Variants in TDRD7 observed in about 807,000 individuals in gnomAD.
TDRD7 encodes the protein tudor domain containing 7.
In TDRD7, 47 loss-of-function variants were observed where a neutral mutation model predicts 109.8. That is an observed-to-expected ratio of 0.43 (90% CI 0.34 to 0.55). The LOEUF (loss-of-function observed/expected upper bound fraction) is 0.55. TDRD7 is among the 20% of genes least tolerant of loss of function. The probability of loss-of-function intolerance (pLI) is 0.03; values close to 1 mark genes in which losing one functional copy is unlikely to be tolerated. For synonymous variants in TDRD7, 424 were observed against 457.3 expected, an observed-to-expected ratio of 0.93 and a Z score of 0.93; for missense variants, 1,164 against 1,319.2, an observed-to-expected ratio of 0.88 and a Z score of 1.82.
chr9:97,448,227 G>A (rs1828433697), intron 6 of TDRD7, among the ~76,000 whole-genome samples: 1 of 152,186 alleles, frequency 6.6e-6, no homozygotes. Context: ...ATCATCACTA[G>A]CCTCAGTACC....
chr9:97,431,655 G>A (rs1399178705), intron 3 of TDRD7, among the ~76,000 whole-genome samples: 1 of 152,094 alleles, frequency 6.6e-6, no homozygotes, highest in African/African-American at 2.4e-5. Flanking sequence ...AATGAAAAAG[G>A]CAAAGGGGAG....
chr9:97,457,619 C>T (rs1199526298), intron 6 of TDRD7, among the ~76,000 whole-genome samples: 1 of 152,124 alleles, frequency 6.6e-6, no homozygotes, highest in Admixed American at 6.5e-5. Flanking sequence ...ACCTCATGAT[C>T]TGCCCGCCTT....
At chr9:97,476,069 A>C (rs2131168985) in intron 12 of TDRD7, among the ~76,000 whole-genome samples, 1 of 152,286 alleles carries the variant, frequency 6.6e-6, no homozygotes, top group Non-Finnish European at 1.5e-5. Context: ...TCCAGGGTAC[A>C]TACATAGGAA....
chr9:97,472,182 T>A (rs1234516841), intron 9 of TDRD7, 111 bp from the exon 10 acceptor site: 1 of 931,046 alleles, frequency 1.1e-6, no homozygotes, highest in Non-Finnish European at 1.7e-6. Context: ...ATTTAATAAT[T>A]TTGCAGTAGG....
At chr9:97,479,646 C>T (rs1161284914) in intron 13 of TDRD7, among the ~76,000 whole-genome samples, 1 of 152,190 alleles carries the variant, frequency 6.6e-6, no homozygotes, top group Non-Finnish European at 1.5e-5. Context: ...GCCCAAGCCT[C>T]TGGCTCACAA....
rs75771016 is a variant in TDRD7, at chr9:97,476,236, C to A, written c.2166+767C>A. 3.8e-3 allele frequency among the ~76,000 whole-genome samples: 582 copies of A among 152,280 alleles called. 1 individual carries two copies. The highest frequency in any genetic ancestry group is 0.012 in the African/African-American group (482 of 41,568). ...CCCTGCCTCCTGCCTGGATCTAAGG[C>A]CATGTCTCCTGCCCAAGACAATTTT... On this transcript the variant is annotated intron_variant, in intron 12 of 16. Transcript: ENST00000355295.
chr9:97,442,043 G>C (rs1236154799), intron 6 of TDRD7, among the ~76,000 whole-genome samples, 168 bp downstream of exon 6: 1 of 152,152 alleles, frequency 6.6e-6, no homozygotes, highest in Non-Finnish European at 1.5e-5. Flanking sequence ...CTTATTTATA[G>C]AAGTATGTCA....
chr9:97,422,003 A>G (rs1827908486), intron 1 of TDRD7, among the ~76,000 whole-genome samples: 1 of 152,150 alleles, frequency 6.6e-6, no homozygotes. Context: ...TTTTTTGTAT[A>G]TATAATATGA....
intron 2 of TDRD7, among the ~76,000 whole-genome samples, chr9:97,430,556 C>T (rs540852799): frequency 6.6e-6 from 1 of 152,280 alleles, no homozygotes; most frequent in Admixed American, 6.5e-5. Context: ...TTTCCCGAGC[C>T]TCTGCATTCC....
At chr9:97,427,854 C>G (rs1828027523) in intron 1 of TDRD7, among the ~76,000 whole-genome samples, 1 of 152,164 alleles carries the variant, frequency 6.6e-6, no homozygotes, top group South Asian at 2.1e-4. Context: ...TTATCTTCTC[C>G]ATTGCTGAGT....
chr9:97,488,643 T>G (rs1194377692), intron 16 of TDRD7, among the ~76,000 whole-genome samples: 1 of 149,236 alleles, frequency 6.7e-6, no homozygotes, highest in African/African-American at 2.4e-5. Flanking sequence ...ACAGTTATAC[T>G]CCCCAGAGAA....
chr9:97,491,137 C>G (rs992822950), intron 16 of TDRD7, among the ~76,000 whole-genome samples: 1 of 152,098 alleles, frequency 6.6e-6, no homozygotes, highest in African/African-American at 2.4e-5. Flanking sequence ...AGACTGGTCT[C>G]GAACTCCTGA....
At chr9:97,487,981 A>G (rs533546072) in intron 16 of TDRD7, among the ~76,000 whole-genome samples, 8 of 152,330 alleles carry the variant, frequency 5.3e-5, no homozygotes, top group African/African-American at 1.7e-4. Context: ...CTAACAGCAT[A>G]CAAGGGAGCA....
At chr9:97,479,802 A>G (rs1396935984) in intron 13 of TDRD7, among the ~76,000 whole-genome samples, 1 of 152,202 alleles carries the variant, frequency 6.6e-6, no homozygotes, top group African/African-American at 2.4e-5. Flanking sequence ...AGGAAATTTC[A>G]CACAAAAATT....
At chr9:97,426,029 G>A (rs905915975) in intron 1 of TDRD7, among the ~76,000 whole-genome samples, 16 of 152,102 alleles carry the variant, frequency 1.1e-4, no homozygotes, top group South Asian at 4.1e-4. Context: ...GTATCTAAAC[G>A]TAGAAAAGAT....
chr9:97,471,762 C>G (rs755163351), intron 9 of TDRD7, among the ~76,000 whole-genome samples: 1 of 152,112 alleles, frequency 6.6e-6, no homozygotes, highest in Admixed American at 6.6e-5. Context: ...CAAAATTCAT[C>G]TAATACCTGT....
intron 6 of TDRD7, among the ~76,000 whole-genome samples, chr9:97,458,283 A>G (rs975558714): frequency 2.6e-5 from 4 of 152,166 alleles, no homozygotes; most frequent in African/African-American, 9.7e-5. Flanking sequence ...GGGATTCTAT[A>G]TGGCAAGTTA....
Position 97,495,912 on chromosome 9 carries a change from T to C in TDRD7, c.*29T>C, listed in dbSNP as rs573173428. ...CTGCCTCTGAAACCTTGACAACTAA[T>C]TCAGATTTTTTAGCAATAACAAAAT... On this transcript the variant is annotated 3_prime_UTR_variant, in exon 17 of 17. Coordinates refer to ENST00000355295, the MANE Select transcript of TDRD7 (RefSeq NM_014290.3). The C allele has an allele frequency of 3.1e-6, 5 of 1,587,406 alleles. No individual in the cohort carries two copies. The South Asian group carries it at 4.4e-5, about 14-fold the overall frequency.
chr9:97,421,698 T>TTGTGTGTG (rs59218055), intron 1 of TDRD7, among the ~76,000 whole-genome samples: 45 of 142,960 alleles, frequency 3.1e-4, no homozygotes, highest in African/African-American at 6.3e-4. Context: ...TGCCCAGCTT[T>TTGTGTGTG]TGTGTGTGTG....
Sources: allele counts gnomAD v4.1 joint callset (sites outside exome capture counted in the v4.1 genomes callset), GRCh38; gene constraint gnomAD v4.1.1; transcripts MANE v1.5; gene names NCBI Gene and HGNC (gene_info 2026-07-23, HGNC 2026-07-21).